PECAM1: variants seen among roughly 807,000 people sequenced by gnomAD.
PECAM1 encodes platelet and endothelial cell adhesion molecule 1, also known as platelet endothelial cell adhesion molecule.
Under a neutral mutation model 13.8 loss-of-function variants are expected in PECAM1, and 8 were observed. The ratio of observed to expected loss-of-function variants is 0.58; its 90% CI spans 0.34 to 1.05. PECAM1 has a LOEUF of 1.05. PECAM1 is among the 50% of genes least tolerant of loss of function. The pLI, the probability that PECAM1 is intolerant of heterozygous loss-of-function variation, is 0.03. For missense variants in PECAM1, 304 were observed against 141.2 expected (o/e 2.15, Z -5.84); for synonymous variants, 136 against 52.6 (o/e 2.58, Z -6.86).
intron 2 of PECAM1, among the ~76,000 whole-genome samples, chr17:64,389,000 T>A (rs2036660451): frequency 6.6e-6 from 1 of 152,164 alleles, no homozygotes; most frequent in Non-Finnish European, 1.5e-5. Flanking sequence ...GGTGACACCA[T>A]CAGTCCAGCA....
intron 15 of PECAM1, among the ~76,000 whole-genome samples, chr17:64,325,437 TA>T (rs1267824384): frequency 1.3e-5 from 2 of 150,458 alleles, no homozygotes; most frequent in African/African-American, 2.4e-5. Context: ...TTATGACAAT[TA>T]AAAAAAAGGA....
At chr17:64,366,991 A>G (rs2036122855) in intron 5 of PECAM1, among the ~76,000 whole-genome samples, 1 of 132,822 alleles carries the variant, frequency 7.5e-6, no homozygotes, top group African/African-American at 2.6e-5. Flanking sequence ...AAAAAAAGAG[A>G]CTGAAACTCC....
At position 64,319,866 on chromosome 17, in the gene PECAM1, G is replaced by A. The variant is rs1307906532; in HGVS notation, c.*3950C>T. On this transcript the variant is annotated 3_prime_UTR_variant, in exon 16 of 16. Transcript: ENST00000563924. The stretch of plus-strand genomic sequence containing the variant: ...GGTGTTTTGTATCTATTGAGAGACT[G>A]TCCTTGCTTGGAGCTGGCTGCAACC... The A allele has an allele frequency of 6.6e-6, 1 of 152,156 alleles. No individual in the cohort carries two copies. The highest frequency in any genetic ancestry group is 1.5e-5 in the Non-Finnish European group (1 of 68,028). 9.4% of individuals were successfully genotyped at this position (152,156 alleles called of 1,614,324 possible).
Position 64,369,952 on chromosome 17 carries a change from C to G in PECAM1, c.765G>C (p.Lys255Asn), listed in dbSNP as rs2036203474. 2.5e-6 allele frequency: 1 copy of G among 398,550 alleles called. No individual in the cohort carries two copies. The highest frequency in any genetic ancestry group is 4.4e-5 in the Admixed American group (1 of 22,700). The allele number at this position is 398,550 out of a possible 1,614,324, so 24.7% of individuals were successfully genotyped here. ...CCAGGTGAGTCACTTGAATGGTGCA[C>G]TTAATGTGGAGCTGAGCTCCTTCCA... ...MIMEGAQLHIKCTIQVTHLAQ... is the reference protein window; with the variant it reads ...MIMEGAQLHINCTIQVTHLAQ... The change falls in exon 5 of 16, where the codon AAG (lysine) becomes AAC (asparagine). Residue 255 changes from lysine (K) to asparagine (N), a missense_variant. By Grantham distance (94) the Lys-to-Asn change is moderately conservative. Coordinates refer to ENST00000563924, the MANE Select transcript of PECAM1 (RefSeq NM_000442.5).
At chr17:64,341,012 G>A (rs977659507) in intron 14 of PECAM1, among the ~76,000 whole-genome samples, 19 of 150,182 alleles carry the variant, frequency 1.3e-4, no homozygotes, top group Admixed American at 4.0e-4. Flanking sequence ...CAGGAGAATC[G>A]CTTGAACCGG....
chr17:64,331,445 CAAAGTG>C (rs2035115703), intron 14 of PECAM1, among the ~76,000 whole-genome samples: 2 of 152,214 alleles, frequency 1.3e-5, no homozygotes, highest in Admixed American at 1.3e-4. Context: ...CTCAGTCTCC[CAAAGTG>C]CTGGGATTAC....
At chr17:64,358,111 C>CTTGTTTTTTT (rs2035888142) in intron 7 of PECAM1, among the ~76,000 whole-genome samples, 1 of 71,550 alleles carries the variant, frequency 1.4e-5, no homozygotes. Flanking sequence ...TGGCCACAGT[C>CTTGTTTTTTT]TTTTTTTTTT....
intron 2 of PECAM1, among the ~76,000 whole-genome samples, chr17:64,378,392 AG>A (rs2036410685): frequency 6.6e-6 from 1 of 152,212 alleles, no homozygotes. Context: ...CTATAATCCC[AG>A]CACTTTGGGA....
At chr17:64,326,602 C>G (rs572972636) in intron 15 of PECAM1, among the ~76,000 whole-genome samples, 3 of 152,286 alleles carry the variant, frequency 2.0e-5, no homozygotes, top group Admixed American at 6.5e-5. Flanking sequence ...TTTCTGTGGG[C>G]CCCAGACCAA....
At chr17:64,385,815 T>C (rs2036580954) in intron 2 of PECAM1, among the ~76,000 whole-genome samples, 1 of 152,170 alleles carries the variant, frequency 6.6e-6, no homozygotes. Context: ...GAGAACAGCG[T>C]GTCCCAGGAC....
chr17:64,345,590 G>A (rs1231036931), intron 13 of PECAM1, among the ~76,000 whole-genome samples: 1 of 151,678 alleles, frequency 6.6e-6, no homozygotes, highest in Non-Finnish European at 1.5e-5. Context: ...GTGGGCGCCT[G>A]TAACCCCAGC....
chr17:64,358,104 C>G (rs2035886014), intron 7 of PECAM1, among the ~76,000 whole-genome samples: 1 of 139,638 alleles, frequency 7.2e-6, no homozygotes, highest in Admixed American at 8.0e-5. Flanking sequence ...TCTGATTTGG[C>G]CACAGTCTTT....
intron 13 of PECAM1, among the ~76,000 whole-genome samples, chr17:64,346,919 A>G (rs1189295980): frequency 6.6e-6 from 1 of 152,234 alleles, no homozygotes; most frequent in Non-Finnish European, 1.5e-5. Context: ...CATTTGATTG[A>G]CACACATTCA....
chr17:64,372,404 T>C (rs1184458587), intron 4 of PECAM1, among the ~76,000 whole-genome samples: 1 of 152,196 alleles, frequency 6.6e-6, no homozygotes, highest in Non-Finnish European at 1.5e-5. Context: ...AGCCAAACCT[T>C]TTATAAATTA....
chr17:64,356,486 TC>T (rs1224481556), intron 7 of PECAM1, 88 bp from the exon 8 acceptor site: 1 of 406,158 alleles, frequency 2.5e-6, no homozygotes, highest in African/African-American at 2.1e-5. Context: ...TTTTTTTTTT[TC>T]CTCTGAGACA....
At chr17:64,353,034 C>A (rs938978098) in intron 10 of PECAM1, among the ~76,000 whole-genome samples, 1 of 152,052 alleles carries the variant, frequency 6.6e-6, no homozygotes, top group African/African-American at 2.4e-5. Context: ...TACTACCAAG[C>A]CCCTGAAATT....
chr17:64,381,329 A>G (rs2036476602), intron 2 of PECAM1, among the ~76,000 whole-genome samples: 1 of 152,098 alleles, frequency 6.6e-6, no homozygotes, highest in South Asian at 2.1e-4. Context: ...AATCTTTGGG[A>G]TGCGTTTGTG....
In PECAM1 at chr17:64,369,988, G is replaced by A. The variant is rs2036204141; in HGVS notation, c.729C>T (p.Thr243=). ...GCTGAGCTCCTTCCATGATCATTCC[G>A]GTGGGGCTGATGTGGAACTTGGGTG... ...FSTPKFHISP[T]GMIMEGAQLH... The change falls in exon 5 of 16, where the codon ACC becomes ACT. Residue 243 remains threonine, a synonymous_variant. Coordinates refer to ENST00000563924, the MANE Select transcript of PECAM1 (RefSeq NM_000442.5). 4.5e-5 allele frequency: 18 copies of A among 398,564 alleles called. No homozygotes were observed. Among genetic ancestry groups the A allele is most frequent in the South Asian group, 3.8e-4 (3 of 7,862 alleles). The allele number at this position is 398,564 out of a possible 1,614,324, so 24.7% of individuals were successfully genotyped here. A position where few individuals can be genotyped will look rare whatever the true frequency, so the allele number is the denominator to read the frequency against.
At chr17:64,372,686 A>AGAGAT (rs1482520440) in intron 4 of PECAM1, among the ~76,000 whole-genome samples, 1 of 151,768 alleles carries the variant, frequency 6.6e-6, no homozygotes, top group African/African-American at 2.4e-5. Flanking sequence ...TATTTTTAGT[A>AGAGAT]GAGATGAGGT....
Sources: gnomAD v4.1 joint callset for allele counts (sites outside exome capture counted in the v4.1 genomes callset) on GRCh38, gnomAD v4.1.1 for gene constraint, MANE v1.5 for transcripts, NCBI Gene and HGNC (gene_info 2026-07-23, HGNC 2026-07-21) for gene names.